SLC25A28: variants seen among roughly 807,000 people sequenced by gnomAD.
SLC25A28 encodes the protein mitoferrin-2.
Under a neutral mutation model 31.9 loss-of-function variants are expected in SLC25A28, and 10 were observed. The ratio of observed to expected loss-of-function variants is 0.31; its 90% CI spans 0.19 to 0.53. The LOEUF (loss-of-function observed/expected upper bound fraction) is 0.53. SLC25A28 is among the 20% of genes least tolerant of loss of function. The pLI is 0.95. For missense variants in SLC25A28, 256 were observed against 490.3 expected, an observed-to-expected ratio of 0.52 and a Z score of 4.51; for synonymous variants, 208 against 203.6, an observed-to-expected ratio of 1.02 and a Z score of -0.19.
chr10:99,649,945 A>T, the SLC25A28 span, among the ~76,000 whole-genome samples: 2 of 151,692 alleles, frequency 1.3e-5, no homozygotes, highest in Non-Finnish European at 2.9e-5. Context: ...TTTAGTTATG[A>T]TCTAATCGTC....
At chr10:99,649,413 A>C in the SLC25A28 span, among the ~76,000 whole-genome samples, 1 of 152,242 alleles carries the variant, frequency 6.6e-6, no homozygotes. Flanking sequence ...TATAGTTTTC[A>C]CTTTTTGTCA....
At chr10:99,640,928 G>C in the SLC25A28 span, among the ~76,000 whole-genome samples, 5 of 151,370 alleles carry the variant, frequency 3.3e-5, no homozygotes, top group Admixed American at 3.3e-4. Flanking sequence ...GTATTCCATG[G>C]TGTATATGAG....
the SLC25A28 span, among the ~76,000 whole-genome samples, chr10:99,642,763 T>G: frequency 2.6e-5 from 4 of 152,048 alleles, no homozygotes; most frequent in Non-Finnish European, 4.4e-5. Context: ...TTATTGAGAG[T>G]TTTTAGCATG....
chr10:99,620,597 G>A (rs2034769740), upstream of SLC25A28: 1 of 1,006,904 alleles, frequency 9.9e-7, no homozygotes, highest in Non-Finnish European at 1.2e-6. Context: ...CGTTGCTAGC[G>A]CCTACATCCC....
chr10:99,618,991 A>G (rs908720290), intron 1 of SLC25A28: 2 of 985,454 alleles, frequency 2.0e-6, no homozygotes, highest in East Asian at 1.1e-4. Flanking sequence ...GGTCTTTGTC[A>G]TATCAACAGT....
chr10:99,612,455 C>T, intron 3 of SLC25A28, 88 bp downstream of exon 3: 4 of 1,471,608 alleles, frequency 2.7e-6, no homozygotes, highest in East Asian at 4.6e-5. Context: ...AACAGAATTT[C>T]CCACCAAAAC....
chr10:99,624,151 T>TCTC (rs10694410), upstream of SLC25A28, among the ~76,000 whole-genome samples: 1 of 117,762 alleles, frequency 8.5e-6, no homozygotes, highest in Non-Finnish European at 1.9e-5. Context: ...CTCTTTTTCT[T>TCTC]TCTTTCTTCC....
chr10:99,640,894 TTCA>T, the SLC25A28 span, among the ~76,000 whole-genome samples: 1 of 152,270 alleles, frequency 6.6e-6, no homozygotes, highest in Admixed American at 6.5e-5. Flanking sequence ...AGGACATGAA[TTCA>T]TCATTTTTTA....
At chr10:99,612,456 C>T in intron 3 of SLC25A28, 87 bp downstream of exon 3, 1 of 1,481,546 alleles carries the variant, frequency 6.7e-7, no homozygotes, top group South Asian at 1.2e-5. Flanking sequence ...ACAGAATTTC[C>T]CACCAAAACT....
chr10:99,616,024 A>G (rs1290645472), intron 1 of SLC25A28: 1 of 985,324 alleles, frequency 1.0e-6, no homozygotes, highest in Non-Finnish European at 1.2e-6. Flanking sequence ...ACCCTTATGG[A>G]GAGGACCTGG....
upstream of SLC25A28, chr10:99,621,107 A>T (rs2034784319): frequency 1.9e-6 from 1 of 516,712 alleles, no homozygotes; most frequent in African/African-American, 2.1e-5. Context: ...CTGTCCGGGA[A>T]GCCGTTGCGA....
upstream of SLC25A28, among the ~76,000 whole-genome samples, chr10:99,624,981 G>C (rs960296128): frequency 6.6e-6 from 1 of 152,000 alleles, no homozygotes; most frequent in Non-Finnish European, 1.5e-5. Context: ...TGGATTCTTG[G>C]TCTTGCTGAC....
chr10:99,615,921 C>T (rs2034641442), intron 1 of SLC25A28: 1 of 985,286 alleles, frequency 1.0e-6, no homozygotes, highest in South Asian at 4.7e-5. Flanking sequence ...GAACTCCTCA[C>T]CCCCAAGAGA....
chr10:99,620,029 C>T lies in SLC25A28; in HGVS notation c.291+16G>A. On this transcript the variant is annotated intron_variant, in intron 1 of 3. Coordinates refer to ENST00000370495, the MANE Select transcript of SLC25A28 (RefSeq NM_031212.4). ...GTCAGCCCCAGGTCGGGTTCGAAGCCGGGTGCAGGTCTCACCTTGACGCAG... is the reference window on the plus strand; with the variant it reads ...GTCAGCCCCAGGTCGGGTTCGAAGCTGGGTGCAGGTCTCACCTTGACGCAG... 6.4e-7 allele frequency: 1 copy of T among 1,563,830 alleles called. No homozygotes were observed. The highest frequency in any genetic ancestry group is 8.6e-7 in the Non-Finnish European group (1 of 1,161,136).
the SLC25A28 span, among the ~76,000 whole-genome samples, chr10:99,646,847 C>T: frequency 1.3e-5 from 2 of 152,210 alleles, no homozygotes; most frequent in South Asian, 4.1e-4. Flanking sequence ...TCTGTAGTCT[C>T]CAGTGTCTAA....
the SLC25A28 span, among the ~76,000 whole-genome samples, chr10:99,648,816 G>A: frequency 3.3e-5 from 5 of 150,540 alleles, no homozygotes; most frequent in African/African-American, 1.2e-4. Context: ...TGAAACTACT[G>A]CATTCATTTA....
At chr10:99,645,942 C>T in the SLC25A28 span, among the ~76,000 whole-genome samples, 1 of 152,194 alleles carries the variant, frequency 6.6e-6, no homozygotes, top group African/African-American at 2.4e-5. Context: ...CAGAGGGGCA[C>T]CCAGCCATAT....
At chr10:99,632,621 A>G in the SLC25A28 span, among the ~76,000 whole-genome samples, 1 of 152,336 alleles carries the variant, frequency 6.6e-6, no homozygotes, top group Non-Finnish European at 1.5e-5. Flanking sequence ...AATCAATGGC[A>G]TCACATCACC....
chr10:99,611,462 A>G lies in SLC25A28; in HGVS notation c.578-96T>C, dbSNP rs936980542. On this transcript the variant is annotated intron_variant, in intron 3 of 3. Coordinates refer to ENST00000370495, the MANE Select transcript of SLC25A28 (RefSeq NM_031212.4). The surrounding 1 kb of genome is among the most constrained non-coding windows in gnomAD (Gnocchi z 5.5). ...GAGCCCCAAGTCAGCAGATCAGCCA[A>G]TGGAATAGAGAGAGAAAAAAGTATG... 13 of 1,471,430 alleles carry G rather than the reference A, an allele frequency of 8.8e-6. No homozygotes were observed. The highest frequency in any genetic ancestry group is 2.8e-5 in the African/African-American group (2 of 71,586). The allele number at this position is 1,471,430 out of a possible 1,614,324, so 91.1% of individuals were successfully genotyped here.
Sources: gnomAD v4.1 joint callset for allele counts (sites outside exome capture counted in the v4.1 genomes callset) on GRCh38, gnomAD v4.1.1 for gene constraint, Gnocchi (gnomAD v3.1) non-coding constraint, MANE v1.5 for transcripts, NCBI Gene and HGNC (gene_info 2026-07-23, HGNC 2026-07-21) for gene names.